PKHD1: variants seen among roughly 807,000 people sequenced by gnomAD.
PKHD1 encodes PKHD1 ciliary IPT domain containing fibrocystin/polyductin, also known as fibrocystin.
Under a neutral mutation model 412.0 loss-of-function variants are expected in PKHD1, and 291 were observed. The observed-to-expected ratio is 0.71, with a 90% confidence interval of 0.64 to 0.78. PKHD1 has a LOEUF of 0.78. Among genes scored for constraint, PKHD1 ranks in the 30% least tolerant of loss-of-function variants. The pLI is 0.00. For missense variants in PKHD1, 4,825 were observed against 4,950.7 expected (o/e 0.97, Z 0.76); for synonymous variants, 1,777 against 1,821.5 (o/e 0.98, Z 0.62).
chr6:51,982,197 C>T (rs1211827407), intron 35 of PKHD1, among the ~76,000 whole-genome samples: 7 of 32,588 alleles, frequency 2.1e-4, no homozygotes, highest in African/African-American at 4.7e-4. Flanking sequence ...GGGGGGTCAG[C>T]CCCCCGCCCG....
intron 46 of PKHD1, among the ~76,000 whole-genome samples, chr6:51,874,427 AT>A (rs1440872490): frequency 1.3e-5 from 2 of 152,156 alleles, no homozygotes; most frequent in Non-Finnish European, 2.9e-5. Context: ...ACTGAAAATT[AT>A]TCTATTCATC....
chr6:51,795,634 TG>T (rs1328761119), intron 52 of PKHD1, among the ~76,000 whole-genome samples: 6 of 152,266 alleles, frequency 3.9e-5, no homozygotes, highest in African/African-American at 1.4e-4. Context: ...TTCTGGCTTT[TG>T]CCCATTCAAT....
chr6:51,927,717 C>G (rs1282425239), intron 37 of PKHD1, among the ~76,000 whole-genome samples: 1 of 152,104 alleles, frequency 6.6e-6, no homozygotes, highest in African/African-American at 2.4e-5. Flanking sequence ...CTTATCTAAG[C>G]AGGGGAAACA....
chr6:51,838,693 T>C (rs1272313057), intron 50 of PKHD1, among the ~76,000 whole-genome samples: 1 of 152,182 alleles, frequency 6.6e-6, no homozygotes, highest in Non-Finnish European at 1.5e-5. Flanking sequence ...CCAAACACCA[T>C]TTCCTGGTCA....
intron 35 of PKHD1, among the ~76,000 whole-genome samples, chr6:52,001,100 T>C (rs1162004989): frequency 1.3e-5 from 2 of 152,220 alleles, no homozygotes; most frequent in South Asian, 2.1e-4. Flanking sequence ...TATTTTAACA[T>C]TGAATACAGA....
At position 51,882,726 on chromosome 6, in the gene PKHD1, G is replaced by A. The variant is rs1038884872; in HGVS notation, c.7350+367C>T. ...ATCTAGAGTCTGATTTTTATCATGT[G>A]GAAATCCATACTTAGGCACATATTA... On this transcript the variant is annotated intron_variant, in intron 46 of 66. Coordinates refer to ENST00000371117, the MANE Select transcript of PKHD1 (RefSeq NM_138694.4). 3.9e-5 allele frequency among the ~76,000 whole-genome samples: 6 copies of A among 152,142 alleles called. No individual in the cohort carries two copies. The East Asian group carries it at 5.8e-4, about 15-fold the overall frequency.
intron 46 of PKHD1, among the ~76,000 whole-genome samples, chr6:51,871,315 C>T (rs865911381): frequency 5.1e-5 from 3 of 59,398 alleles, no homozygotes; most frequent in Non-Finnish European, 5.8e-5. Flanking sequence ...AACTGCATTA[C>T]ATCTATCTAA....
chr6:51,913,241 A>G (rs1455140761), intron 37 of PKHD1, among the ~76,000 whole-genome samples: 2 of 152,074 alleles, frequency 1.3e-5, no homozygotes, highest in Non-Finnish European at 2.9e-5. Flanking sequence ...TATCTCTTAG[A>G]GTTGTCATAA....
intron 35 of PKHD1, among the ~76,000 whole-genome samples, chr6:51,979,757 T>A (rs2128020752): frequency 6.6e-6 from 1 of 152,258 alleles, no homozygotes; most frequent in South Asian, 2.1e-4. Flanking sequence ...CTTCTCCCCA[T>A]AATTCTGCTG....
chr6:51,856,087 AG>A lies in PKHD1; in HGVS notation c.7734-18del. The A allele has an allele frequency of 6.6e-7, 1 of 1,513,266 alleles. No individual in the cohort carries two copies. The highest frequency in any genetic ancestry group is 9.2e-7 in the Non-Finnish European group (1 of 1,090,316). 93.7% of individuals were successfully genotyped at this position (1,513,266 alleles called of 1,614,324 possible). A position where few individuals can be genotyped will look rare whatever the true frequency, so the allele number is the denominator to read the frequency against. On this transcript the variant is annotated intron_variant, in intron 48 of 66. Transcript: ENST00000371117. Reference sequence around the variant, plus strand: ...GTATTCGCTCTAAGGTGATTTTAAAAGGAAAAAAAATGGGTTGAGAGATTAT... The same window carrying A: ...GTATTCGCTCTAAGGTGATTTTAAAAGAAAAAAAATGGGTTGAGAGATTAT...
intron 36 of PKHD1, among the ~76,000 whole-genome samples, chr6:51,949,538 TC>T (rs1206255952): frequency 6.6e-6 from 1 of 152,150 alleles, no homozygotes; most frequent in African/African-American, 2.4e-5. Flanking sequence ...GGACACAGCT[TC>T]CTTTGTTGGC....
chr6:51,981,334 C>G (rs1328258195), intron 35 of PKHD1, among the ~76,000 whole-genome samples: 1 of 55,356 alleles, frequency 1.8e-5, no homozygotes, highest in Admixed American at 1.9e-4. Context: ...TCTCCCTCTC[C>G]CTCTCCCTCT....
At chr6:52,080,579 C>T (rs1414527396) in intron 4 of PKHD1, among the ~76,000 whole-genome samples, 1 of 152,070 alleles carries the variant, frequency 6.6e-6, no homozygotes, top group Non-Finnish European at 1.5e-5. Flanking sequence ...AAGAAAGAAA[C>T]CATATTTAAG....
intron 35 of PKHD1, among the ~76,000 whole-genome samples, chr6:51,984,987 T>C (rs1312927860): frequency 6.6e-6 from 1 of 151,978 alleles, no homozygotes; most frequent in Non-Finnish European, 1.5e-5. Flanking sequence ...TGTCCAAAGA[T>C]ATTTTTGTCA....
chr6:51,913,612 G>A (rs568789741), intron 37 of PKHD1, among the ~76,000 whole-genome samples: 6 of 152,032 alleles, frequency 3.9e-5, no homozygotes, highest in Non-Finnish European at 5.9e-5. Context: ...CCTTTAGCCC[G>A]CAGCAAGTTA....
intron 7 of PKHD1, among the ~76,000 whole-genome samples, chr6:52,073,070 T>C (rs1810863790): frequency 6.6e-6 from 1 of 152,228 alleles, no homozygotes; most frequent in Non-Finnish European, 1.5e-5. Context: ...AATACAATTT[T>C]TAAAGCACAA....
At chr6:52,047,793 G>T (rs1350742737) in intron 23 of PKHD1, among the ~76,000 whole-genome samples, 1 of 152,222 alleles carries the variant, frequency 6.6e-6, no homozygotes, top group Non-Finnish European at 1.5e-5. Context: ...CTTCAGTGTA[G>T]TTGGCTGAAC....
At chr6:52,045,667 G>A (rs1301005863) in intron 24 of PKHD1, among the ~76,000 whole-genome samples, 3 of 152,124 alleles carry the variant, frequency 2.0e-5, no homozygotes, top group Non-Finnish European at 4.4e-5. Context: ...CTTCTGCTAT[G>A]CCATCTGCTT....
rs1302902504 is a variant in PKHD1 at position 52,055,722 on chromosome 6, T to G, written c.1701A>C (p.Glu567Asp). The G allele has an allele frequency of 3.7e-6, 6 of 1,613,772 alleles. No homozygotes were observed. In the Admixed American group the frequency reaches 6.7e-5, roughly 18 times the overall value. The change falls in exon 19 of 67, where the codon GAA becomes GAC. Residue 567 changes from glutamate (E) to aspartate (D), a missense_variant. By Grantham distance (45) the Glu-to-Asp change is conservative (BLOSUM62 2). Transcript: ENST00000371117. ...LLRLGFERGP[E>D]VSNSDGDLTS... ...TGAGGTCCCCATCAGAGTTGGAAACTTCTGGGCCTGGATGCAGTTCAGATA... is the reference window on the plus strand; with the variant it reads ...TGAGGTCCCCATCAGAGTTGGAAACGTCTGGGCCTGGATGCAGTTCAGATA...
Sources: gnomAD v4.1 joint callset for allele counts (sites outside exome capture counted in the v4.1 genomes callset) on GRCh38, gnomAD v4.1.1 for gene constraint, MANE v1.5 for transcripts, NCBI Gene and HGNC (gene_info 2026-07-23, HGNC 2026-07-21) for gene names.